The following RANBP2 variants were observed in gnomAD, a reference collection of about 807,000 sequenced individuals.
RANBP2 encodes RAN binding protein 2, also known as E3 SUMO-protein ligase RanBP2.
Under a neutral mutation model 303.6 loss-of-function variants are expected in RANBP2, and 57 were observed. The observed-to-expected ratio is 0.19, with a 90% CI of 0.15 to 0.23. The LOEUF (loss-of-function observed/expected upper bound fraction) is 0.23. Among genes scored for constraint, RANBP2 ranks in the 10% least tolerant of loss-of-function variants. The pLI, the probability that RANBP2 is intolerant of heterozygous loss-of-function variation, is 1.00. For synonymous variants in RANBP2, 1,167 were observed against 1,301.5 expected, an observed-to-expected ratio of 0.90 and a Z score of 2.23; for missense variants, 3,138 against 3,780.8, an observed-to-expected ratio of 0.83 and a Z score of 4.46.
At chr2:109,413,766 T>C in the RANBP2 span, among the ~76,000 whole-genome samples, 2 of 152,194 alleles carry the variant, frequency 1.3e-5, no homozygotes, top group Non-Finnish European at 2.9e-5. Flanking sequence ...ACTTCTCTGT[T>C]ACTAACTATG....
At chr2:109,051,411 T>C in the RANBP2 span, among the ~76,000 whole-genome samples, 1 of 152,308 alleles carries the variant, frequency 6.6e-6, no homozygotes, top group South Asian at 2.1e-4. Context: ...AACAGTTCTT[T>C]TCCTGGAAGG....
chr2:109,185,298 TA>T, the RANBP2 span, among the ~76,000 whole-genome samples: 1 of 152,230 alleles, frequency 6.6e-6, no homozygotes, highest in African/African-American at 2.4e-5. Context: ...AAATCCCATG[TA>T]AGAGGAGCTC....
the RANBP2 span, among the ~76,000 whole-genome samples, chr2:109,040,635 C>T: frequency 6.6e-6 from 1 of 152,192 alleles, no homozygotes; most frequent in African/African-American, 2.4e-5. Flanking sequence ...AATTTTCTCA[C>T]TAGTGACTTA....
the RANBP2 span, among the ~76,000 whole-genome samples, chr2:109,434,246 G>T: frequency 6.6e-6 from 1 of 152,212 alleles, no homozygotes; most frequent in South Asian, 2.1e-4. Context: ...CCGCCCTGCT[G>T]GGGGACATCA....
chr2:108,775,772 TATA>T lies in RANBP2; in HGVS notation c.8334_8336del (p.Tyr2779del). ...GAAATAACTAGCACAACTGACAGTG[TATA>T]TACAGGTGGGACTGAAGTGATGGTA... On this transcript the variant is annotated inframe_deletion, in exon 24 of 29. Coordinates refer to ENST00000283195, the MANE Select transcript of RANBP2 (RefSeq NM_006267.5). 1 of 1,613,884 alleles carries T rather than the reference TATA, an allele frequency of 6.2e-7. No individual in the cohort carries two copies. Among genetic ancestry groups the T allele is most frequent in the Admixed American group, 1.7e-5 (1 of 60,018 alleles).
downstream of RANBP2, among the ~76,000 whole-genome samples, chr2:108,789,690 A>G (rs1330831451): frequency 6.6e-6 from 1 of 152,180 alleles, no homozygotes; most frequent in Non-Finnish European, 1.5e-5. Context: ...TATGCATTGT[A>G]TTTAGGTGAT....
the RANBP2 span, among the ~76,000 whole-genome samples, chr2:109,193,971 T>TG: frequency 6.6e-6 from 1 of 152,232 alleles, no homozygotes; most frequent in Non-Finnish European, 1.5e-5. Flanking sequence ...ATGCTCCTTC[T>TG]GGGGCACCAG....
At chr2:109,063,291 G>A in the RANBP2 span, among the ~76,000 whole-genome samples, 2 of 152,090 alleles carry the variant, frequency 1.3e-5, no homozygotes, top group Admixed American at 6.5e-5. Context: ...TTCAAATTAC[G>A]GTGGAACCTT....
the RANBP2 span, among the ~76,000 whole-genome samples, chr2:109,001,250 G>A: frequency 0.016 from 2,358 of 151,716 alleles, 61 homozygotes; most frequent in African/African-American, 0.055. Context: ...TGGCACCATG[G>A]GACAATCACA....
chr2:109,666,536 A>C, the RANBP2 span, among the ~76,000 whole-genome samples: 1 of 152,240 alleles, frequency 6.6e-6, no homozygotes, highest in African/African-American at 2.4e-5. Context: ...TTAATTCATG[A>C]AACATAAAAC....
the RANBP2 span, among the ~76,000 whole-genome samples, chr2:109,683,100 A>G: frequency 1.3e-5 from 2 of 151,890 alleles, no homozygotes; most frequent in African/African-American, 2.4e-5. Context: ...CTGCCTCCTG[A>G]GTTCAAGAAA....
At chr2:109,155,891 G>T in the RANBP2 span, among the ~76,000 whole-genome samples, 2 of 152,194 alleles carry the variant, frequency 1.3e-5, no homozygotes, top group Admixed American at 6.5e-5. Context: ...TTCCAAGATG[G>T]TCATATGTAT....
the RANBP2 span, chr2:108,910,719 C>T: frequency 5.6e-6 from 9 of 1,593,408 alleles, no homozygotes; most frequent in African/African-American, 5.4e-5. Flanking sequence ...CTGGGAACGC[C>T]CTCCACCCAG....
At chr2:108,913,833 C>G in the RANBP2 span, among the ~76,000 whole-genome samples, 2 of 151,490 alleles carry the variant, frequency 1.3e-5, no homozygotes, top group Admixed American at 6.6e-5. Flanking sequence ...GCCTGTAGTC[C>G]CAGCTACTCG....
At chr2:108,845,943 A>G in the RANBP2 span, among the ~76,000 whole-genome samples, 2 of 152,048 alleles carry the variant, frequency 1.3e-5, no homozygotes, top group Non-Finnish European at 2.9e-5. Context: ...TCATGCTACT[A>G]TTTCTATTTT....
chr2:109,401,847 G>A, the RANBP2 span, among the ~76,000 whole-genome samples: 1 of 152,198 alleles, frequency 6.6e-6, no homozygotes, highest in African/African-American at 2.4e-5. Flanking sequence ...GGGCTGGAAG[G>A]GAACAGATGT....
chr2:109,490,126 A>G, the RANBP2 span, among the ~76,000 whole-genome samples: 1 of 152,218 alleles, frequency 6.6e-6, no homozygotes, highest in Non-Finnish European at 1.5e-5. Flanking sequence ...ACCATTCTCC[A>G]TGGGTCTCTC....
At chr2:109,501,154 C>T in the RANBP2 span, among the ~76,000 whole-genome samples, 1 of 151,994 alleles carries the variant, frequency 6.6e-6, no homozygotes, top group African/African-American at 2.4e-5. Context: ...TCCCCCGCCC[C>T]TGCCCCTGGG....
At chr2:109,346,227 T>G in the RANBP2 span, among the ~76,000 whole-genome samples, 17 of 152,320 alleles carry the variant, frequency 1.1e-4, no homozygotes, top group African/African-American at 3.6e-4. Context: ...TCCTCTGGTG[T>G]TACTGTTTAA....
Sources: allele counts gnomAD v4.1 joint callset (sites outside exome capture counted in the v4.1 genomes callset), GRCh38; gene constraint gnomAD v4.1.1; transcripts MANE v1.5; gene names NCBI Gene and HGNC (gene_info 2026-07-23, HGNC 2026-07-21).